Variants in CSF2RB observed in about 807,000 individuals in gnomAD.
CSF2RB encodes colony stimulating factor 2 receptor subunit beta, also known as cytokine receptor common subunit beta.
In CSF2RB, 22 loss-of-function variants were observed where a neutral mutation model predicts 67.2. The observed-to-expected ratio is 0.33, with a 90% CI of 0.23 to 0.47. CSF2RB has a LOEUF of 0.47. CSF2RB is among the 20% of genes least tolerant of loss of function. The pLI is 1.00. For missense variants in CSF2RB, 1,113 were observed against 1,174.5 expected (o/e 0.95, Z 0.76); for synonymous variants, 507 against 482.9 (o/e 1.05, Z -0.65).
At chr22:36,927,772 C>T (rs7286768) in intron 4 of CSF2RB, among the ~76,000 whole-genome samples, 5,032 of 152,206 alleles carry the variant, frequency 0.033, 150 homozygotes, top group Non-Finnish European at 0.047. Flanking sequence ...ATTGGAGGAG[C>T]ATTAGTTGGG....
Position 36,933,843 on chromosome 22 carries a change from C to A in CSF2RB, c.1164C>A (p.Thr388=), listed in dbSNP as rs762005176. The change falls in exon 10 of 14, where the codon ACC becomes ACA. Residue 388 remains threonine, a synonymous_variant. Transcript: ENST00000403662. ...KDTATWKDSK[T]ETLQNAHSMA... Reference sequence around the variant, plus strand: ...GTGCCAACCCACAGGACAGCAAGACCGAGACCCTCCAGAACGCCCACAGCA... The same window carrying A: ...GTGCCAACCCACAGGACAGCAAGACAGAGACCCTCCAGAACGCCCACAGCA... The A allele has an allele frequency of 1.2e-6, 2 of 1,608,010 alleles. No individual in the cohort carries two copies. Among genetic ancestry groups the A allele is most frequent in the African/African-American group, 1.3e-5 (1 of 74,876 alleles).
intron 12 of CSF2RB, among the ~76,000 whole-genome samples, chr22:36,936,338 G>A (rs1047905827): frequency 6.6e-6 from 1 of 152,148 alleles, no homozygotes; most frequent in South Asian, 2.1e-4. Context: ...AAAGGGCCCT[G>A]TCCTCAGGTA....
At position 36,937,682 on chromosome 22, in the gene CSF2RB, C is replaced by T. The variant is rs560156832; in HGVS notation, c.1874C>T (p.Ser625Phe). 1.3e-4 allele frequency: 197 copies of T among 1,554,406 alleles called. 1 individual carries two copies. The South Asian group carries it at 1.8e-3, about 14-fold the overall frequency. Residue 625 changes from serine (S) to phenylalanine (F), a missense_variant, in exon 14 of 14, where the codon TCC becomes TTC. By Grantham distance (155) the Ser-to-Phe change is radical. Around this residue, in one of 2 missense-constraint regions of CSF2RB, gnomAD observed 554 missense variants for 517.9 expected, o/e 1.07. Transcript: ENST00000403662. The surrounding 1 kb of genome is among the most constrained non-coding windows in gnomAD (Gnocchi z 4.6). ...AGCCAGAAGTCCCCACCTCCAGGGT[C>T]CCTGGAGTACCTGTGTCTGCCTGCT... ...GGSQKSPPPG[S>F]LEYLCLPAGG...
intron 8 of CSF2RB, among the ~76,000 whole-genome samples, chr22:36,931,497 G>C (rs1173575789): frequency 6.6e-6 from 1 of 152,208 alleles, no homozygotes; most frequent in Non-Finnish European, 1.5e-5. Context: ...TATATTAAGG[G>C]CCTCATATAA....
chr22:36,924,639 C>T (rs1005209732), intron 3 of CSF2RB, among the ~76,000 whole-genome samples: 1 of 152,196 alleles, frequency 6.6e-6, no homozygotes, highest in Admixed American at 6.5e-5. Context: ...GCTGCCCCCA[C>T]CAGGCCACCC....
In CSF2RB at chr22:36,934,597, G is replaced by GGATTGGAAGGTTTGGCTGT. The variant is rs534623725; in HGVS notation, c.1315+616_1315+617insGGCTGTGATTGGAAGGTTT. 1.4e-3 allele frequency among the ~76,000 whole-genome samples: 214 copies of GGATTGGAAGGTTTGGCTGT among 152,328 alleles called. 1 individual carries two copies. The Middle Eastern group carries it at 0.017, about 12-fold the overall frequency. On this transcript the variant is annotated intron_variant, in intron 10 of 13. Coordinates refer to ENST00000403662, the MANE Select transcript of CSF2RB (RefSeq NM_000395.3). ...ATCTAGAGCCACAGACTGGGTCCTT[G>GGATTGGAAGGTTTGGCTGT]GATTGGAAGGTTTTGCTGTGATTCC...
intron 8 of CSF2RB, 33 bp from the exon 9 acceptor site, chr22:36,932,732 T>C (rs1444821458): frequency 1.5e-5 from 24 of 1,609,230 alleles, no homozygotes; most frequent in East Asian, 2.2e-5. Context: ...AGGGTGGGTA[T>C]GATGACTCTC....
In CSF2RB at chr22:36,939,250, G is replaced by C; in HGVS notation, c.*748G>C. 1.4e-6 allele frequency: 1 copy of C among 702,278 alleles called. No homozygotes were observed. Among genetic ancestry groups the C allele is most frequent in the Non-Finnish European group, 2.6e-6 (1 of 384,824 alleles). The allele number at this position is 702,278 out of a possible 1,614,324, so 43.5% of individuals were successfully genotyped here. A position where few individuals can be genotyped will look rare whatever the true frequency, so the allele number is the denominator to read the frequency against. On this transcript the variant is annotated 3_prime_UTR_variant, in exon 14 of 14. Coordinates refer to ENST00000403662, the MANE Select transcript of CSF2RB (RefSeq NM_000395.3). Reference sequence around the variant, plus strand: ...GTCCCTTGAGACCCCACGTCATGTAGAGAAGTTAACGGCCCAAGTGGTGGG... The same window carrying C: ...GTCCCTTGAGACCCCACGTCATGTACAGAAGTTAACGGCCCAAGTGGTGGG...
intron 2 of CSF2RB, among the ~76,000 whole-genome samples, chr22:36,922,969 G>A (rs1053384064): frequency 6.6e-6 from 1 of 151,978 alleles, no homozygotes; most frequent in Non-Finnish European, 1.5e-5. Flanking sequence ...TGGGGTGGGG[G>A]GAGGGGACCG....
intron 3 of CSF2RB, 45 bp from the exon 4 acceptor site, chr22:36,925,942 G>A (rs773393530): frequency 2.5e-6 from 4 of 1,606,070 alleles, no homozygotes; most frequent in East Asian, 4.5e-5. Context: ...TCGTGAGTCA[G>A]TGATACCCAT....
At chr22:36,929,860 A>G in intron 6 of CSF2RB, 53 bp downstream of exon 6, 1 of 1,582,962 alleles carries the variant, frequency 6.3e-7, no homozygotes, top group Non-Finnish European at 8.6e-7. Context: ...CAGGCTCATC[A>G]GGAGCTCCTG....
Position 36,930,823 on chromosome 22 carries a change from A to C in CSF2RB, c.1005A>C (p.Ser335=). ...GGGCAGAGAAACACATAAAGAGCTC[A>C]GTGAACAGTGAGTTTGCTCCTAGCC... ...PRRAEKHIKS[S]VNIQMAPPSL... Residue 335 remains serine (S), a synonymous_variant, in exon 8 of 14, where the codon TCA becomes TCC. Coordinates refer to ENST00000403662, the MANE Select transcript of CSF2RB (RefSeq NM_000395.3). 6.2e-7 allele frequency: 1 copy of C among 1,614,200 alleles called. No individual in the cohort carries two copies. The highest frequency in any genetic ancestry group is 2.2e-5 in the East Asian group (1 of 44,886).
At chr22:36,932,137 G>C (rs1941157055) in intron 8 of CSF2RB, among the ~76,000 whole-genome samples, 1 of 152,168 alleles carries the variant, frequency 6.6e-6, no homozygotes, top group Non-Finnish European at 1.5e-5. Context: ...GTATAACAGT[G>C]GCTAAAACAT....
chr22:36,939,345 G>C lies in CSF2RB; in HGVS notation c.*843G>C. 1.4e-6 allele frequency: 1 copy of C among 691,876 alleles called. No homozygotes were observed. Among genetic ancestry groups the C allele is most frequent in the African/African-American group, 1.8e-5 (1 of 56,770 alleles). The allele number at this position is 691,876 out of a possible 1,614,324, so 42.9% of individuals were successfully genotyped here. A position where few individuals can be genotyped will look rare whatever the true frequency, so the allele number is the denominator to read the frequency against. ...CCACGTCTACTGCGGAAAAGTCAGG[G>C]GAAACTGCCAAACAAAGGAAAATGC... On this transcript the variant is annotated 3_prime_UTR_variant, in exon 14 of 14. Transcript: ENST00000403662.
rs767278708 is a variant in CSF2RB at position 36,936,623 on chromosome 22, G to A, written c.1539G>A (p.Pro513=). The part of the protein sequence containing the change: ...FTSGSPPHQG[P]WGSRFPELEG... ...GCGGGAGTCCCCCACACCAGGGGCC[G>A]TGGGGCAGCCGCTTCCCTGAGCTGG... is the stretch of plus-strand genomic sequence containing the variant. Residue 513 remains proline, a synonymous_variant, in exon 13 of 14, where the codon CCG becomes CCA. Transcript: ENST00000403662. 140 of 1,613,472 alleles carry A rather than the reference G, an allele frequency of 8.7e-5. No individual in the cohort carries two copies. Among genetic ancestry groups the A allele is most frequent in the Middle Eastern group, 1.7e-4 (1 of 6,004 alleles).
intron 1 of CSF2RB, among the ~76,000 whole-genome samples, chr22:36,915,325 T>G (rs974648414): frequency 6.6e-6 from 1 of 152,044 alleles, no homozygotes; most frequent in Non-Finnish European, 1.5e-5. Flanking sequence ...CCTCAGATGA[T>G]CCGCCTGTCT....
intron 1 of CSF2RB, among the ~76,000 whole-genome samples, chr22:36,918,652 C>T (rs572127127): frequency 6.6e-6 from 1 of 152,288 alleles, no homozygotes; most frequent in East Asian, 1.9e-4. Flanking sequence ...CTCTTGTCTC[C>T]TTGAAAGCCC....
At chr22:36,924,175 A>C (rs1601582630) in intron 3 of CSF2RB, among the ~76,000 whole-genome samples, 2 of 135,538 alleles carry the variant, frequency 1.5e-5, no homozygotes, top group South Asian at 2.3e-4. Context: ...CATTCTCCTC[A>C]AAGACCATCC....
chr22:36,936,818 G>C lies in CSF2RB; in HGVS notation c.1568+166G>C, dbSNP rs541577535. 2.2e-4 allele frequency among the ~76,000 whole-genome samples: 34 copies of C among 152,310 alleles called. 1 individual carries two copies. The highest frequency in any genetic ancestry group is 7.7e-4 in the African/African-American group (32 of 41,560). The stretch of plus-strand genomic sequence containing the variant: ...AGGCACCTGGGGGGGATGTGAGGAA[G>C]AACTTCCTCTTTCCAGGTAAGGAAG... On this transcript the variant is annotated intron_variant, in intron 13 of 13. Transcript: ENST00000403662.
Sources: gnomAD v4.1 joint callset for allele counts (sites outside exome capture counted in the v4.1 genomes callset) on GRCh38, gnomAD v4.1.1 for gene constraint, gnomAD v4.1.1 regional missense constraint, Gnocchi (gnomAD v3.1) non-coding constraint, MANE v1.5 for transcripts, NCBI Gene and HGNC (gene_info 2026-07-23, HGNC 2026-07-21) for gene names.